BLTP3B: variants seen among roughly 807,000 people sequenced by gnomAD.
BLTP3B encodes the protein UHRF1 (ICBP90) binding protein 1-like.
At chr12:100,140,722 A>T in the BLTP3B span, among the ~76,000 whole-genome samples, 3 of 114,850 alleles carry the variant, frequency 2.6e-5, no homozygotes, top group African/African-American at 1.2e-4. Context: ...AAAAAAAAAA[A>T]AAAAAAAATA....
the BLTP3B span, among the ~76,000 whole-genome samples, chr12:100,109,279 G>C: frequency 6.7e-6 from 1 of 149,412 alleles, no homozygotes; most frequent in African/African-American, 2.5e-5. Flanking sequence ...AGTTTCCTGA[G>C]GCCTCCCCAG....
chr12:100,095,990 G>C, the BLTP3B span, among the ~76,000 whole-genome samples: 1 of 152,240 alleles, frequency 6.6e-6, no homozygotes, highest in Non-Finnish European at 1.5e-5. Flanking sequence ...GGTGGCTCAT[G>C]CCTGCAATCC....
the BLTP3B span, among the ~76,000 whole-genome samples, chr12:100,046,149 G>A: frequency 4.9e-3 from 752 of 152,190 alleles, 4 homozygotes; most frequent in Non-Finnish European, 6.9e-3. Context: ...TAGCTCAACC[G>A]CTGTGGAAGA....
chr12:100,134,845 C>G, the BLTP3B span, among the ~76,000 whole-genome samples: 2 of 152,210 alleles, frequency 1.3e-5, no homozygotes, highest in Non-Finnish European at 2.9e-5. Context: ...GTCGGTCAAT[C>G]CTGCCTTTAC....
the BLTP3B span, among the ~76,000 whole-genome samples, chr12:100,082,793 C>T: frequency 1.1e-4 from 16 of 152,284 alleles, no homozygotes; most frequent in African/African-American, 3.8e-4. Context: ...GTGTCAGAAG[C>T]ATTTAGGCAA....
the BLTP3B span, among the ~76,000 whole-genome samples, chr12:100,042,360 A>C: frequency 2.0e-5 from 3 of 152,140 alleles, no homozygotes; most frequent in East Asian, 5.8e-4. Context: ...TGGACGACTC[A>C]CATGTTCCAA....
chr12:100,051,143 C>T, the BLTP3B span: 5 of 1,614,096 alleles, frequency 3.1e-6, no homozygotes, highest in Non-Finnish European at 4.2e-6. Context: ...AGAAGTTTCA[C>T]CATAATTCTG....
the BLTP3B span, among the ~76,000 whole-genome samples, chr12:100,076,748 TC>T: frequency 3.9e-5 from 6 of 152,334 alleles, no homozygotes; most frequent in South Asian, 1.2e-3. Flanking sequence ...TCAAGTCAGT[TC>T]CTTACAGTAT....
At chr12:100,127,884 A>G in the BLTP3B span, among the ~76,000 whole-genome samples, 1 of 152,074 alleles carries the variant, frequency 6.6e-6, no homozygotes, top group East Asian at 1.9e-4. Context: ...CATGGGGTAC[A>G]TGCCTGTAGT....
At chr12:100,089,408 A>G in the BLTP3B span, among the ~76,000 whole-genome samples, 7 of 152,096 alleles carry the variant, frequency 4.6e-5, no homozygotes, top group Non-Finnish European at 1.5e-5. Context: ...AAAATATAAA[A>G]AATTAGCTGG....
At chr12:100,086,382 G>C in the BLTP3B span, 193 of 579,560 alleles carry the variant, frequency 3.3e-4, 11 homozygotes, top group African/African-American at 3.5e-3. Context: ...AGGGGGGGGG[G>C]GAAATATTAA....
At chr12:100,057,871 C>G in the BLTP3B span, 2 of 1,281,238 alleles carry the variant, frequency 1.6e-6, no homozygotes, top group East Asian at 5.1e-5. Context: ...AACGTATAAG[C>G]TCAAAGTGTT....
chr12:100,056,720 C>G, the BLTP3B span, among the ~76,000 whole-genome samples: 2 of 151,858 alleles, frequency 1.3e-5, no homozygotes. Flanking sequence ...TGCCTGCAAT[C>G]CCAACTACTT....
the BLTP3B span, among the ~76,000 whole-genome samples, chr12:100,131,030 AG>A: frequency 7.9e-6 from 1 of 126,260 alleles, no homozygotes; most frequent in South Asian, 2.4e-4. Context: ...AGAGAGAGAG[AG>A]AGAAAGAGTT....
At chr12:100,103,638 A>G in the BLTP3B span, among the ~76,000 whole-genome samples, 1 of 152,312 alleles carries the variant, frequency 6.6e-6, no homozygotes, top group South Asian at 2.1e-4. Context: ...GAATAATCCC[A>G]TAGTACATCA....
chr12:100,086,290 G>C, the BLTP3B span: 4 of 1,440,732 alleles, frequency 2.8e-6, no homozygotes, highest in Non-Finnish European at 3.7e-6. Flanking sequence ...TTATGATAAG[G>C]ATAATAATCT....
the BLTP3B span, among the ~76,000 whole-genome samples, chr12:100,040,688 A>AAAC: frequency 2.5e-4 from 38 of 152,218 alleles, no homozygotes; most frequent in African/African-American, 7.0e-4. Context: ...TCCGTCTCAA[A>AAAC]AACAACAACA....
chr12:100,070,132 C>T, the BLTP3B span: 1 of 1,554,432 alleles, frequency 6.4e-7, no homozygotes, highest in South Asian at 1.2e-5. Flanking sequence ...TGTCTTCCTT[C>T]ATCTATCTTG....
the BLTP3B span, among the ~76,000 whole-genome samples, chr12:100,052,406 C>T: frequency 2.6e-5 from 4 of 152,038 alleles, no homozygotes; most frequent in South Asian, 2.1e-4. Context: ...AGCAAAAAGA[C>T]ACTCTGAAAA....
Sources: gnomAD v4.1 joint callset for allele counts (sites outside exome capture counted in the v4.1 genomes callset) on GRCh38, gnomAD v4.1.1 for gene constraint, MANE v1.5 for transcripts, NCBI Gene and HGNC (gene_info 2026-07-23, HGNC 2026-07-21) for gene names.